The following ANXA4 variants were observed in gnomAD, a reference collection of about 807,000 sequenced individuals.
The protein encoded by ANXA4 is 35-beta calcimedin.
ANXA4 carries 39 observed loss-of-function variants against 49.8 expected under a neutral mutation model. The observed-to-expected ratio is 0.78, with a 90% CI of 0.61 to 1.02. The LOEUF is 1.02. Among genes scored for constraint, ANXA4 ranks in the 50% least tolerant of loss-of-function variants. The probability of loss-of-function intolerance (pLI) is 0.00; values close to 1 mark genes in which losing one functional copy is unlikely to be tolerated. For synonymous variants in ANXA4, 134 were observed against 152.5 expected, an observed-to-expected ratio of 0.88 and a Z score of 0.89; for missense variants, 360 against 410.1, an observed-to-expected ratio of 0.88 and a Z score of 1.05.
chr2:69,658,942 C>T (rs1464852399), intron 2 of ANXA4, among the ~76,000 whole-genome samples: 2 of 152,180 alleles, frequency 1.3e-5, no homozygotes, highest in Non-Finnish European at 2.9e-5. Flanking sequence ...ATGATCCACC[C>T]GCCGTAGGCT....
At chr2:69,724,998 T>C (rs541482112) in intron 3 of ANXA4, among the ~76,000 whole-genome samples, 6 of 152,354 alleles carry the variant, frequency 3.9e-5, no homozygotes, top group African/African-American at 1.4e-4. Flanking sequence ...AGTGGAATAA[T>C]TGTTTCATGG....
At chr2:69,691,573 GCA>G (rs10590162) in intron 2 of ANXA4, among the ~76,000 whole-genome samples, 87,032 of 149,784 alleles carry the variant, frequency 0.58, 28,288 homozygotes, top group Middle Eastern at 0.85. Context: ...ACACACACAT[GCA>G]CACACACACA....
At chr2:69,703,041 C>G (rs1289806743) in intron 2 of ANXA4, among the ~76,000 whole-genome samples, 2 of 152,118 alleles carry the variant, frequency 1.3e-5, no homozygotes, top group African/African-American at 4.8e-5. Flanking sequence ...TTCTTAAGTT[C>G]TGGAAAGACA....
At chr2:69,788,582 A>G (rs1366832564) in intron 3 of ANXA4, among the ~76,000 whole-genome samples, 5 of 151,510 alleles carry the variant, frequency 3.3e-5, no homozygotes, top group African/African-American at 1.2e-4. Context: ...TCACGCCTGT[A>G]ATCCCAGCAC....
intron 1 of ANXA4, among the ~76,000 whole-genome samples, chr2:69,749,250 TA>T (rs879380796): frequency 6.6e-5 from 10 of 152,182 alleles, no homozygotes; most frequent in Non-Finnish European, 1.3e-4. Context: ...GGGAAGGGAC[TA>T]GGGGTAATGG....
chr2:69,694,097 G>T (rs1016440768), intron 2 of ANXA4, among the ~76,000 whole-genome samples: 1 of 152,140 alleles, frequency 6.6e-6, no homozygotes, highest in Middle Eastern at 3.2e-3. Flanking sequence ...CTGAATGTTT[G>T]TGTCTCCCCT....
At chr2:69,748,210 C>G (rs183044228) in intron 1 of ANXA4, among the ~76,000 whole-genome samples, 2,152 of 151,810 alleles carry the variant, frequency 0.014, 21 homozygotes, top group Non-Finnish European at 0.019. Flanking sequence ...CCCGTCTCTA[C>G]TAAAAAAATA....
intron 1 of ANXA4, among the ~76,000 whole-genome samples, chr2:69,754,407 T>A (rs914265805): frequency 1.3e-5 from 2 of 152,178 alleles, no homozygotes; most frequent in Non-Finnish European, 2.9e-5. Flanking sequence ...CTGGCGGGAT[T>A]CTTGCACTTT....
intron 2 of ANXA4, among the ~76,000 whole-genome samples, chr2:69,702,227 G>C (rs1352540010): frequency 6.6e-6 from 1 of 151,838 alleles, no homozygotes. Flanking sequence ...TGGCCAGGCT[G>C]GTGTTGAACT....
intron 2 of ANXA4, among the ~76,000 whole-genome samples, chr2:69,710,000 T>C (rs999257107): frequency 6.7e-6 from 1 of 149,704 alleles, no homozygotes; most frequent in Non-Finnish European, 1.5e-5. Context: ...TTTTTTTTTT[T>C]TTTTGAGACA....
chr2:69,657,927 G>A (rs1217651598), intron 2 of ANXA4, among the ~76,000 whole-genome samples: 1 of 152,072 alleles, frequency 6.6e-6, no homozygotes, highest in Non-Finnish European at 1.5e-5. Context: ...AAGCATTGGG[G>A]AAACTTGTTC....
chr2:69,806,517 G>A lies in ANXA4; in HGVS notation c.306+19G>A, dbSNP rs17037076. 0.2 allele frequency: 324,227 copies of A among 1,589,128 alleles called. 39,721 individuals are homozygous for A. The highest frequency in any genetic ancestry group is 0.57 in the African/African-American group (42,298 of 74,402). On this transcript the variant is annotated intron_variant, in intron 5 of 12. Transcript: ENST00000394295. ...CATGAAGGTCTGTGCTCTTCCTCTC[G>A]TGCTCTTGGTGCTGTTGGTGCAAAC... is the stretch of plus-strand genomic sequence containing the variant.
chr2:69,716,781 A>AAG (rs1461945756), intron 2 of ANXA4, among the ~76,000 whole-genome samples: 1 of 152,158 alleles, frequency 6.6e-6, no homozygotes, highest in Non-Finnish European at 1.5e-5. Context: ...CAAGAACGAA[A>AAG]AGAGTTGTGT....
intron 1 of ANXA4, among the ~76,000 whole-genome samples, chr2:69,757,241 TA>T (rs1671075968): frequency 1.2e-3 from 69 of 56,960 alleles, no homozygotes; most frequent in African/African-American, 4.5e-3. Flanking sequence ...TTTTGTTTTA[TA>T]TATATATATA....
chr2:69,749,922 C>CAAA (rs70954355), intron 1 of ANXA4, among the ~76,000 whole-genome samples: 30 of 139,160 alleles, frequency 2.2e-4, no homozygotes, highest in Admixed American at 3.6e-4. Flanking sequence ...GACTCTATCT[C>CAAA]AAAAAAAAAA....
At position 69,712,613 on chromosome 2, in the gene ANXA4, T is replaced by C. The variant is rs542080746; in HGVS notation, n.767-8161T>C. Among the ~76,000 whole-genome samples, 10 of 152,306 alleles carry C rather than the reference T, an allele frequency of 6.6e-5. No homozygotes were observed. In the South Asian group the frequency reaches 1.9e-3, roughly 28 times the overall value. On this transcript the variant is annotated intron_variant and non_coding_transcript_variant, in intron 2 of 3. Transcript: ENST00000418066. ...TGCAATGGTTCTGGGCCTTTTAATATGGATTCACAAAAGATAATGAGGTTA... is the reference window on the plus strand; with the variant it reads ...TGCAATGGTTCTGGGCCTTTTAATACGGATTCACAAAAGATAATGAGGTTA...
intron 1 of ANXA4, among the ~76,000 whole-genome samples, chr2:69,771,715 T>C (rs923678488): frequency 8.5e-5 from 13 of 152,226 alleles, no homozygotes; most frequent in Admixed American, 5.2e-4. Context: ...TTCTGGCAGA[T>C]ACAACTGGGC....
chr2:69,675,234 A>G (rs1164552725), intron 2 of ANXA4, among the ~76,000 whole-genome samples: 1 of 151,956 alleles, frequency 6.6e-6, no homozygotes, highest in African/African-American at 2.4e-5. Context: ...AACTGTTTTT[A>G]TTTTCCTCAG....
At chr2:69,705,443 T>C (rs192077763) in intron 2 of ANXA4, among the ~76,000 whole-genome samples, 13 of 152,370 alleles carry the variant, frequency 8.5e-5, no homozygotes, top group Non-Finnish European at 7.3e-5. Context: ...ATTGGTTTGT[T>C]GGCACACCAT....
Sources: allele counts gnomAD v4.1 joint callset (sites outside exome capture counted in the v4.1 genomes callset), GRCh38; gene constraint gnomAD v4.1.1; transcripts MANE v1.5; gene names NCBI Gene and HGNC (gene_info 2026-07-23, HGNC 2026-07-21).